Variants in NRG1 observed in about 807,000 individuals in gnomAD.
NRG1 encodes neuregulin 1.
A neutral mutation model predicts 63.8 loss-of-function variants in NRG1; 18 were observed. The observed-to-expected ratio is 0.28, with a 90% CI of 0.19 to 0.42. The LOEUF (loss-of-function observed/expected upper bound fraction) is 0.42. NRG1 is among the 10% of genes least tolerant of loss of function. The probability of loss-of-function intolerance (pLI) is 1.00; values close to 1 mark genes in which losing one functional copy is unlikely to be tolerated. For synonymous variants in NRG1, 302 were observed against 301.3 expected, an observed-to-expected ratio of 1.00 and a Z score of -0.02; for missense variants, 762 against 814.7, an observed-to-expected ratio of 0.94 and a Z score of 0.79.
intron 5 of NRG1, 88 bp from the exon 6 acceptor site, chr8:32,727,861 C>T (rs1822593950): frequency 7.4e-7 from 1 of 1,358,900 alleles, no homozygotes; most frequent in East Asian, 2.3e-5. Flanking sequence ...TATATGAACT[C>T]TTCCTTTTAG....
intron 1 of NRG1, among the ~76,000 whole-genome samples, chr8:32,368,101 C>A (rs1808325529): frequency 6.6e-6 from 1 of 152,156 alleles, no homozygotes; most frequent in African/African-American, 2.4e-5. Context: ...AAGACAGGTA[C>A]TGTTATGCCT....
chr8:31,917,255 G>A (rs1212966398), intron 1 of NRG1, among the ~76,000 whole-genome samples: 1 of 143,424 alleles, frequency 7.0e-6, no homozygotes, highest in Non-Finnish European at 1.5e-5. Context: ...ATTGCTTTTG[G>A]TGTTTTAGAC....
At chr8:32,393,827 C>A (rs1812092758) in intron 1 of NRG1, among the ~76,000 whole-genome samples, 1 of 152,048 alleles carries the variant, frequency 6.6e-6, no homozygotes, top group African/African-American at 2.4e-5. Context: ...ACAACAAACC[C>A]CCATGGCACA....
chr8:31,843,683 C>T (rs564400673), intron 1 of NRG1, among the ~76,000 whole-genome samples: 1 of 152,270 alleles, frequency 6.6e-6, no homozygotes, highest in East Asian at 1.9e-4. Context: ...ATAAGAAACA[C>T]TTTAAGCCTT....
At chr8:32,638,764 A>G (rs1332379311) in intron 5 of NRG1, among the ~76,000 whole-genome samples, 1 of 152,216 alleles carries the variant, frequency 6.6e-6, no homozygotes, top group East Asian at 1.9e-4. Flanking sequence ...CGTTTTAAGT[A>G]ATAAAAATTG....
In NRG1 at chr8:32,047,333, C is replaced by T. The variant is rs1445215376; in HGVS notation, c.37+407902C>T. 2.6e-5 allele frequency among the ~76,000 whole-genome samples: 4 copies of T among 151,954 alleles called. No homozygotes were observed. The South Asian group carries it at 8.3e-4, about 32-fold the overall frequency. On this transcript the variant is annotated intron_variant, in intron 1 of 10. Coordinates refer to the NRG1 transcript ENST00000519301. ...GGATGAATTTCATTCTACTGACAACCTGAACGTTTTTTCATGATTTCAATA... is the reference window on the plus strand; with the variant it reads ...GGATGAATTTCATTCTACTGACAACTTGAACGTTTTTTCATGATTTCAATA...
intron 1 of NRG1, among the ~76,000 whole-genome samples, chr8:31,746,825 C>G (rs964737515): frequency 7.9e-5 from 12 of 151,974 alleles, no homozygotes; most frequent in African/African-American, 2.9e-4. Context: ...ACTCTTTAGC[C>G]ATAACACAGA....
intron 1 of NRG1, among the ~76,000 whole-genome samples, chr8:31,908,858 A>G (rs1832725279): frequency 2.6e-5 from 4 of 152,204 alleles, no homozygotes; most frequent in Admixed American, 2.6e-4. Flanking sequence ...TAGATGAGAA[A>G]TGGAGAAATC....
intron 1 of NRG1, among the ~76,000 whole-genome samples, chr8:31,699,538 T>A (rs1307145826): frequency 6.6e-6 from 1 of 152,188 alleles, no homozygotes; most frequent in Non-Finnish European, 1.5e-5. Context: ...CTCTGGCGAT[T>A]TTCTTTTTCT....
chr8:32,504,800 T>C (rs1179986906), intron 1 of NRG1, among the ~76,000 whole-genome samples: 1 of 152,170 alleles, frequency 6.6e-6, no homozygotes, highest in South Asian at 2.1e-4. Context: ...TTTATCAATA[T>C]TGTTGGTGGA....
At chr8:32,720,357 T>G (rs1564023913) in intron 5 of NRG1, among the ~76,000 whole-genome samples, 1 of 152,264 alleles carries the variant, frequency 6.6e-6, no homozygotes, top group African/African-American at 2.4e-5. Context: ...CCTTCCACAT[T>G]TAGCCTGGTG....
chr8:31,739,756 C>T (rs1815077062), intron 1 of NRG1, among the ~76,000 whole-genome samples: 1 of 152,036 alleles, frequency 6.6e-6, no homozygotes, highest in Non-Finnish European at 1.5e-5. Flanking sequence ...TTGTCAGTTG[C>T]ACGAGAGTGT....
intron 1 of NRG1, among the ~76,000 whole-genome samples, chr8:32,046,896 T>G (rs1821092218): frequency 6.6e-6 from 1 of 152,048 alleles, no homozygotes; most frequent in Non-Finnish European, 1.5e-5. Context: ...CATAAAACTA[T>G]GATTTATATG....
chr8:32,350,063 C>T (rs1805403914), intron 1 of NRG1, among the ~76,000 whole-genome samples: 1 of 152,136 alleles, frequency 6.6e-6, no homozygotes, highest in South Asian at 2.1e-4. Flanking sequence ...CAGCAGCTCT[C>T]CTGGATCTCT....
chr8:31,709,058 A>G (rs927980391), intron 1 of NRG1, among the ~76,000 whole-genome samples: 1 of 151,942 alleles, frequency 6.6e-6, no homozygotes. Flanking sequence ...ATCTCCAAGC[A>G]ATTTTTATGT....
intron 1 of NRG1, among the ~76,000 whole-genome samples, chr8:32,590,496 GA>G (rs1563720497): frequency 6.6e-6 from 1 of 152,074 alleles, no homozygotes; most frequent in East Asian, 1.9e-4. Context: ...TTAATTAACA[GA>G]CCTTTTATGC....
At chr8:31,834,319 A>ACG (rs1825487418) in intron 1 of NRG1, among the ~76,000 whole-genome samples, 1 of 149,318 alleles carries the variant, frequency 6.7e-6, no homozygotes, top group African/African-American at 2.5e-5. Context: ...ACACACACAC[A>ACG]CACACACACA....
At chr8:32,604,454 A>T (rs1383558064) in intron 2 of NRG1, among the ~76,000 whole-genome samples, 2 of 152,190 alleles carry the variant, frequency 1.3e-5, no homozygotes, top group Non-Finnish European at 2.9e-5. Context: ...GGAGATTTGC[A>T]ACCAGAAGGA....
chr8:31,950,479 C>T (rs534530204), intron 1 of NRG1, among the ~76,000 whole-genome samples: 2 of 152,318 alleles, frequency 1.3e-5, no homozygotes, highest in African/African-American at 4.8e-5. Flanking sequence ...TCTCTCCAGA[C>T]ACTAGTCAAA....
Sources: allele counts gnomAD v4.1 joint callset (sites outside exome capture counted in the v4.1 genomes callset), GRCh38; gene constraint gnomAD v4.1.1; transcripts MANE v1.5; gene names NCBI Gene and HGNC (gene_info 2026-07-23, HGNC 2026-07-21).